KSR1: variants seen among roughly 807,000 people sequenced by gnomAD.
The protein encoded by KSR1 is kinase suppressor of ras.
KSR1 carries 35 observed loss-of-function variants against 92.9 expected under a neutral mutation model. That is an observed-to-expected ratio of 0.38 (90% CI 0.29 to 0.50). The LOEUF is 0.50. KSR1 is among the 20% of genes least tolerant of loss of function. The pLI is 0.94. For synonymous variants in KSR1, 467 were observed against 472.6 expected (o/e 0.99, Z 0.15); for missense variants, 972 against 1,158.5 (o/e 0.84, Z 2.34).
At chr17:27,509,115 T>C (rs1317857089) in intron 1 of KSR1, among the ~76,000 whole-genome samples, 1 of 152,144 alleles carries the variant, frequency 6.6e-6, no homozygotes, top group African/African-American at 2.4e-5. Flanking sequence ...GTGGATCCTC[T>C]GCAGAGTGAG....
intron 1 of KSR1, among the ~76,000 whole-genome samples, chr17:27,507,800 C>T (rs1342695689): frequency 6.6e-6 from 1 of 151,976 alleles, no homozygotes; most frequent in East Asian, 1.9e-4. Flanking sequence ...ATCTCGAACT[C>T]CCAACCTCAG....
intron 18 of KSR1, among the ~76,000 whole-genome samples, chr17:27,614,696 C>T (rs371603796): frequency 4.6e-5 from 7 of 152,160 alleles, no homozygotes; most frequent in East Asian, 1.9e-4. Flanking sequence ...TTCTAGAGCA[C>T]AGCCAGAGTT....
chr17:27,609,387 C>A (rs1304952531), intron 16 of KSR1, 58 bp downstream of exon 16: 7 of 1,600,522 alleles, frequency 4.4e-6, no homozygotes, highest in Non-Finnish European at 6.0e-6. Context: ...AAGAGCAGGG[C>A]TGAGGTCTGG....
chr17:27,550,143 G>A (rs576206540), intron 1 of KSR1, among the ~76,000 whole-genome samples: 206 of 152,318 alleles, frequency 1.4e-3, no homozygotes, highest in Non-Finnish European at 2.5e-3. Context: ...GGGCTCAAGC[G>A]ATCCTCCCAC....
chr17:27,494,171 A>G (rs944991782), intron 1 of KSR1, among the ~76,000 whole-genome samples: 3 of 152,084 alleles, frequency 2.0e-5, no homozygotes, highest in Non-Finnish European at 4.4e-5. Flanking sequence ...AATTACAAAG[A>G]GCTTCCAGGA....
chr17:27,564,376 A>C (rs1386306146), intron 2 of KSR1, among the ~76,000 whole-genome samples: 1 of 152,252 alleles, frequency 6.6e-6, no homozygotes, highest in Non-Finnish European at 1.5e-5. Context: ...GTAAGTACTT[A>C]CTTAATCGAA....
Position 27,577,048 on chromosome 17 carries a change from G to GT in KSR1, c.373-432dup, listed in dbSNP as rs11375064. Among the ~76,000 whole-genome samples the GT allele has an allele frequency of 0.58, 85,694 of 147,176 alleles. 24,767 individuals are homozygous for GT. The highest frequency in any genetic ancestry group is 0.62 in the Non-Finnish European group (41,621 of 66,762). Reference sequence around the variant, plus strand: ...CTGCAGTGTTTGGTGAGGTTTTTTTGTTTTTTTTTTTTAAATCCTTCCTTT... The same window carrying GT: ...CTGCAGTGTTTGGTGAGGTTTTTTTGTTTTTTTTTTTTTAAATCCTTCCTTT... On this transcript the variant is annotated intron_variant, in intron 2 of 20. Coordinates refer to ENST00000644974, the MANE Select transcript of KSR1 (RefSeq NM_001394583.1). The surrounding 1 kb of genome is among the most constrained non-coding windows in gnomAD (Gnocchi z 4.5).
intron 10 of KSR1, among the ~76,000 whole-genome samples, chr17:27,598,411 C>T (rs948309380): frequency 6.6e-6 from 1 of 152,228 alleles, no homozygotes; most frequent in Non-Finnish European, 1.5e-5. Flanking sequence ...CCATACCCAG[C>T]CAGCAGGAGG....
chr17:27,512,642 G>T (rs1232107957), intron 1 of KSR1, among the ~76,000 whole-genome samples: 2 of 152,202 alleles, frequency 1.3e-5, no homozygotes, highest in African/African-American at 4.8e-5. Context: ...AGAATTGCTT[G>T]AACCTGGGAG....
intron 1 of KSR1, 39 bp from the exon 2 acceptor site, chr17:27,550,529 C>T (rs2071359250): frequency 2.6e-6 from 2 of 760,092 alleles, no homozygotes; most frequent in Non-Finnish European, 4.8e-6. Context: ...GGTTGGGCTG[C>T]AGATGAACAC....
intron 2 of KSR1, chr17:27,566,357 A>C (rs2072067914): frequency 2.5e-6 from 1 of 398,090 alleles, no homozygotes; most frequent in African/African-American, 2.1e-5. Flanking sequence ...TGTTCACTAC[A>C]GTCATGAAAA....
chr17:27,471,347 A>G (rs2019990617), intron 1 of KSR1, among the ~76,000 whole-genome samples: 1 of 152,076 alleles, frequency 6.6e-6, no homozygotes, highest in African/African-American at 2.4e-5. Context: ...GGTTAGAGAG[A>G]GGTGGGGGTA....
chr17:27,597,510 C>CA (rs1257468486), intron 10 of KSR1, 74 bp downstream of exon 10: 2 of 1,465,260 alleles, frequency 1.4e-6, no homozygotes, highest in Non-Finnish European at 1.8e-6. Flanking sequence ...CCAAGTTCGG[C>CA]AGATTCAAGG....
intron 1 of KSR1, among the ~76,000 whole-genome samples, chr17:27,461,142 CATG>C (rs2019414507): frequency 6.6e-6 from 1 of 152,136 alleles, no homozygotes; most frequent in South Asian, 2.1e-4. Flanking sequence ...AGTACAGTGG[CATG>C]ATCTCGGATC....
chr17:27,516,040 G>T (rs1298642826), intron 1 of KSR1, among the ~76,000 whole-genome samples: 1 of 152,008 alleles, frequency 6.6e-6, no homozygotes, highest in Non-Finnish European at 1.5e-5. Flanking sequence ...ATCTGTCTTT[G>T]TGAATGCAGC....
At position 27,623,499 on chromosome 17, in the gene KSR1, A is replaced by G; in HGVS notation, c.*107A>G. 5.7e-6 allele frequency: 4 copies of G among 696,882 alleles called. 1 individual carries two copies. In the East Asian group the frequency reaches 1.1e-4, roughly 19 times the overall value. The allele number at this position is 696,882 out of a possible 1,614,324, so 43.2% of individuals were successfully genotyped here. ...AAACACTGCCTGCCCAGCGCTGCAA[A>G]CCAGGAGCACACGTCCTAGATTCAG... On this transcript the variant is annotated 3_prime_UTR_variant, in exon 21 of 21. Coordinates refer to ENST00000644974, the MANE Select transcript of KSR1 (RefSeq NM_001394583.1).
chr17:27,462,454 G>C, intron 1 of KSR1, among the ~76,000 whole-genome samples: 1 of 152,324 alleles, frequency 6.6e-6, no homozygotes, highest in East Asian at 1.9e-4. Flanking sequence ...CACCCAGGCT[G>C]TGCAGCCTCA....
chr17:27,567,931 G>A (rs184840175), intron 2 of KSR1, among the ~76,000 whole-genome samples: 5 of 152,262 alleles, frequency 3.3e-5, no homozygotes, highest in East Asian at 1.9e-4. Flanking sequence ...CTTTGATCTC[G>A]GCAGAGAAGG....
intron 2 of KSR1, among the ~76,000 whole-genome samples, chr17:27,575,700 A>G (rs2072478657): frequency 6.6e-6 from 1 of 152,160 alleles, no homozygotes; most frequent in African/African-American, 2.4e-5. Flanking sequence ...GGCTCAAAGT[A>G]GTCAGAGCTG....
Sources: gnomAD v4.1 joint callset for allele counts (sites outside exome capture counted in the v4.1 genomes callset) on GRCh38, gnomAD v4.1.1 for gene constraint, Gnocchi (gnomAD v3.1) non-coding constraint, MANE v1.5 for transcripts, NCBI Gene and HGNC (gene_info 2026-07-23, HGNC 2026-07-21) for gene names.